The following RNLS variants were observed in gnomAD, a reference collection of about 807,000 sequenced individuals.
RNLS encodes the protein renalase, FAD dependent amine oxidase.
RNLS carries 39 observed loss-of-function variants against 39.8 expected under a neutral mutation model. The ratio of observed to expected loss-of-function variants is 0.98; its 90% CI spans 0.76 to 1.28. RNLS has a LOEUF of 1.28. RNLS is among the 50% of genes most tolerant of loss of function. The pLI, the probability that RNLS is intolerant of heterozygous loss-of-function variation, is 0.00. For missense variants in RNLS, 410 were observed against 413.3 expected, an observed-to-expected ratio of 0.99 and a Z score of 0.07; for synonymous variants, 147 against 150.7, an observed-to-expected ratio of 0.98 and a Z score of 0.18.
intron 6 of RNLS, among the ~76,000 whole-genome samples, chr10:88,295,053 A>G (rs929592622): frequency 2.0e-5 from 3 of 152,170 alleles, no homozygotes; most frequent in Non-Finnish European, 2.9e-5. Flanking sequence ...ATTTAATTTA[A>G]AAAATTCTTT....
At chr10:88,461,715 G>A (rs373438414) in intron 4 of RNLS, among the ~76,000 whole-genome samples, 37 of 152,104 alleles carry the variant, frequency 2.4e-4, no homozygotes, top group African/African-American at 7.7e-4. Flanking sequence ...AATATACCAA[G>A]TACACAATAT....
chr10:88,450,280 T>C (rs946427777), intron 4 of RNLS, among the ~76,000 whole-genome samples: 19 of 152,194 alleles, frequency 1.2e-4, no homozygotes, highest in African/African-American at 4.3e-4. Flanking sequence ...TCTTTAGAAC[T>C]AGATGTCATA....
chr10:88,494,356 T>C (rs1474559283), intron 4 of RNLS, among the ~76,000 whole-genome samples: 1 of 152,144 alleles, frequency 6.6e-6, no homozygotes, highest in Non-Finnish European at 1.5e-5. Context: ...TCTTCAGTCA[T>C]GCCATGAACA....
the RNLS span, among the ~76,000 whole-genome samples, chr10:88,207,125 G>C: frequency 1.3e-5 from 2 of 152,076 alleles, no homozygotes; most frequent in Non-Finnish European, 2.9e-5. Context: ...ATTAGACAAA[G>C]ATTTCTTAGA....
At chr10:88,288,617 T>C (rs1052108355) in intron 6 of RNLS, among the ~76,000 whole-genome samples, 1 of 152,162 alleles carries the variant, frequency 6.6e-6, no homozygotes, top group Non-Finnish European at 1.5e-5. Context: ...GCACAAGTAT[T>C]AACCAGGAAG....
intron 4 of RNLS, among the ~76,000 whole-genome samples, chr10:88,492,319 G>A (rs113314330): frequency 3.9e-5 from 6 of 152,116 alleles, no homozygotes; most frequent in African/African-American, 1.4e-4. Flanking sequence ...AGTCCAATAA[G>A]TGGTATTGGA....
intron 5 of RNLS, among the ~76,000 whole-genome samples, chr10:88,354,901 CTTTG>C (rs1009579268): frequency 3.3e-5 from 5 of 152,166 alleles, no homozygotes; most frequent in African/African-American, 9.7e-5. Context: ...TTCTTGGAGG[CTTTG>C]TTTGTTTCTA....
At chr10:88,497,911 T>C (rs1448812467) in intron 4 of RNLS, among the ~76,000 whole-genome samples, 1 of 147,438 alleles carries the variant, frequency 6.8e-6, no homozygotes, top group African/African-American at 2.5e-5. Flanking sequence ...AAAGTAGATT[T>C]ATAAAAATAG....
At chr10:88,279,046 T>C (rs531170226) in intron 6 of RNLS, among the ~76,000 whole-genome samples, 2 of 152,198 alleles carry the variant, frequency 1.3e-5, no homozygotes, top group Admixed American at 6.6e-5. Context: ...ACACATGGGG[T>C]AAGTATCACA....
Position 88,330,096 on chromosome 10 carries a change from TAA to T in RNLS, c.701-15457_701-15456del, listed in dbSNP as rs574831498. ...ATATATATATATATATATATAAATA[TAA>T]ATATATATACACACACTATATATAT... On this transcript the variant is annotated intron_variant, in intron 5 of 6. Transcript: ENST00000331772. 1.5e-3 allele frequency among the ~76,000 whole-genome samples: 219 copies of T among 146,078 alleles called. 1 individual carries two copies. Among genetic ancestry groups the T allele is most frequent in the Non-Finnish European group, 2.2e-3 (144 of 66,852 alleles).
the RNLS span, among the ~76,000 whole-genome samples, chr10:88,209,932 G>A: frequency 3.9e-5 from 6 of 152,116 alleles, no homozygotes; most frequent in Non-Finnish European, 4.4e-5. Flanking sequence ...CTTGCCTATG[G>A]TCATGCAGCT....
At chr10:88,325,612 AACC>A (rs779331001) in intron 5 of RNLS, among the ~76,000 whole-genome samples, 9 of 152,232 alleles carry the variant, frequency 5.9e-5, no homozygotes, top group African/African-American at 9.6e-5. Flanking sequence ...TGACAGTTGT[AACC>A]ATTAATAGGT....
At chr10:88,356,346 GC>G in intron 5 of RNLS, among the ~76,000 whole-genome samples, 1 of 152,102 alleles carries the variant, frequency 6.6e-6, no homozygotes, top group Admixed American at 6.5e-5. Flanking sequence ...TTCCTATTCA[GC>G]CGTCTTGGAA....
chr10:88,262,454 T>G, the RNLS span, among the ~76,000 whole-genome samples: 2 of 152,294 alleles, frequency 1.3e-5, no homozygotes, highest in East Asian at 3.9e-4. Flanking sequence ...ATCGGCACCC[T>G]CTGTGGTGCT....
At chr10:88,540,438 C>T (rs1847978793) in intron 4 of RNLS, among the ~76,000 whole-genome samples, 2 of 152,232 alleles carry the variant, frequency 1.3e-5, no homozygotes, top group South Asian at 4.1e-4. Flanking sequence ...TTTTGAAAGT[C>T]CCCTTCTGGA....
chr10:88,349,666 C>T (rs1249082005), intron 5 of RNLS, among the ~76,000 whole-genome samples: 1 of 151,632 alleles, frequency 6.6e-6, no homozygotes, highest in Admixed American at 6.6e-5. Context: ...ATAATTTGTG[C>T]CTATTAATTT....
chr10:88,235,175 A>G, the RNLS span, among the ~76,000 whole-genome samples: 2 of 149,010 alleles, frequency 1.3e-5, no homozygotes, highest in Non-Finnish European at 3.0e-5. Flanking sequence ...GGCTGAGGCA[A>G]GAGAATGGCG....
At chr10:88,513,971 C>G (rs543116323) in intron 4 of RNLS, among the ~76,000 whole-genome samples, 1 of 151,948 alleles carries the variant, frequency 6.6e-6, no homozygotes, top group South Asian at 2.1e-4. Context: ...TTAATAACTA[C>G]TTGCATTTTC....
chr10:88,477,422 G>T lies in RNLS; in HGVS notation c.526+95481C>A, dbSNP rs117840842. Among the ~76,000 whole-genome samples, 78 of 152,226 alleles carry T rather than the reference G, an allele frequency of 5.1e-4. 1 individual carries two copies. In the East Asian group the frequency reaches 0.013, roughly 25 times the overall value. On this transcript the variant is annotated intron_variant, in intron 4 of 6. Transcript: ENST00000331772. ...CAGGGAAGGAGAGAAAGATGGTGAAGACAGAGATAATGATGATGGGGATGA... is the reference window on the plus strand; with the variant it reads ...CAGGGAAGGAGAGAAAGATGGTGAATACAGAGATAATGATGATGGGGATGA...
Sources: allele counts gnomAD v4.1 joint callset (sites outside exome capture counted in the v4.1 genomes callset), GRCh38; gene constraint gnomAD v4.1.1; transcripts MANE v1.5; gene names NCBI Gene and HGNC (gene_info 2026-07-23, HGNC 2026-07-21).